The following PGA5 variants were observed in gnomAD, a reference collection of about 807,000 sequenced individuals.
PGA5 encodes pepsinogen A5.
In PGA5, 19 loss-of-function variants were observed where a neutral mutation model predicts 15.9. The ratio of observed to expected loss-of-function variants is 1.19; its 90% CI spans 0.83 to 1.75. The LOEUF (loss-of-function observed/expected upper bound fraction) is 1.75, where lower values mean the gene tolerates loss of function less well. PGA5 is among the 40% of genes most tolerant of loss of function. The pLI is 0.00. For synonymous variants in PGA5, 92 were observed against 95.8 expected, an observed-to-expected ratio of 0.96 and a Z score of 0.23; for missense variants, 224 against 246.4, an observed-to-expected ratio of 0.91 and a Z score of 0.61.
chr11:61,250,666 C>G (rs2134708181), intron 8 of PGA5: 1 of 462,170 alleles, frequency 2.2e-6, no homozygotes, highest in Middle Eastern at 3.3e-4. Flanking sequence ...AGGGCAAGGC[C>G]TGAGCAATGG....
chr11:61,250,479 A>C (rs4939511), intron 8 of PGA5, among the ~76,000 whole-genome samples: 2 of 149,810 alleles, frequency 1.3e-5, no homozygotes, highest in African/African-American at 5.1e-5. Context: ...TGGGGCTTCC[A>C]ACACTTCTAC....
chr11:61,250,449 A>G, intron 8 of PGA5, among the ~76,000 whole-genome samples: 1 of 151,502 alleles, frequency 6.6e-6, no homozygotes, highest in East Asian at 1.9e-4. Flanking sequence ...GGGCAAATGG[A>G]AATCCTAATT....
intron 5 of PGA5, chr11:61,247,993 G>C: frequency 3.4e-6 from 2 of 588,872 alleles, no homozygotes; most frequent in Non-Finnish European, 6.0e-6. Context: ...CATGCCCCTG[G>C]GGGCAAAACT....
chr11:61,250,085 G>C (rs139525829), intron 8 of PGA5, 71 bp downstream of exon 8: 21,888 of 1,526,458 alleles, frequency 0.014, 521 homozygotes, highest in Middle Eastern at 0.03. Context: ...CTTCTGCAGA[G>C]GGAAAGTACA....
At chr11:61,249,142 G>A (rs1854105547) in intron 6 of PGA5, among the ~76,000 whole-genome samples, 1 of 151,856 alleles carries the variant, frequency 6.6e-6, no homozygotes, top group Non-Finnish European at 1.5e-5. Flanking sequence ...AGGACACATG[G>A]ATCACCTCAT....
intron 8 of PGA5, among the ~76,000 whole-genome samples, chr11:61,250,499 C>T (rs1442010830): frequency 6.6e-6 from 1 of 151,270 alleles, no homozygotes; most frequent in Non-Finnish European, 1.5e-5. Flanking sequence ...CCATCTCTAC[C>T]AAGTAGCAAA....
At chr11:61,251,068 T>A in intron 8 of PGA5, 64 bp from the exon 9 acceptor site, 2 of 1,611,458 alleles carry the variant, frequency 1.2e-6, no homozygotes, top group Non-Finnish European at 1.7e-6. Context: ...TGGATGTTTA[T>A]CACCCAGCGC....
rs636230 is a variant in PGA5, at chr11:61,249,699, T to C, written c.804T>C (p.Cys268=). 3,175 of 1,611,812 alleles carry C rather than the reference T, an allele frequency of 2.0e-3. 82 individuals carry two copies. The African/African-American group carries it at 0.029, about 15-fold the overall frequency. ...CCATGAACGGAGAGACCATCGCCTG[T>C]GCTGAGGGCTGCCAGGCCATTGTTG... The part of the protein sequence containing the change: ...SITMNGETIA[C]AEGCQAIVDT... The change falls in exon 7 of 9, where the codon TGT becomes TGC. Residue 268 remains cysteine, a synonymous_variant. Coordinates refer to ENST00000312403, the MANE Select transcript of PGA5 (RefSeq NM_014224.5).
chr11:61,248,609 C>T (rs1322386735), intron 6 of PGA5, 74 bp downstream of exon 6: 1 of 1,581,052 alleles, frequency 6.3e-7, no homozygotes, highest in African/African-American at 1.4e-5. Flanking sequence ...CATAGCCAAT[C>T]AGCTTTCCAG....
At chr11:61,246,415 C>T (rs181833287) in intron 5 of PGA5, among the ~76,000 whole-genome samples, 8 of 151,952 alleles carry the variant, frequency 5.3e-5, no homozygotes, top group African/African-American at 1.9e-4. Flanking sequence ...CCATTTGCCC[C>T]TTAGTGCCAC....
rs1391969415 is a variant in PGA5, at chr11:61,246,004, C to T, written c.515C>T (p.Ser172Phe). 3.2e-5 allele frequency: 11 copies of T among 344,796 alleles called. No homozygotes were observed. Among genetic ancestry groups the T allele is most frequent in the Non-Finnish European group, 5.4e-5 (11 of 203,172 alleles). The allele number at this position is 344,796 out of a possible 1,614,324, so 21.4% of individuals were successfully genotyped here. A position where few individuals can be genotyped will look rare whatever the true frequency, so the allele number is the denominator to read the frequency against. ...IFGLSETEPG[S>F]FLYYAPFDGI... ...GGCCTGAGCGAGACGGAACCTGGCTCCTTCCTGTATTATGCTCCCTTCGAT... is the reference window on the plus strand; with the variant it reads ...GGCCTGAGCGAGACGGAACCTGGCTTCTTCCTGTATTATGCTCCCTTCGAT... The change falls in exon 5 of 9, where the codon TCC (serine) becomes TTC (phenylalanine). Residue 172 changes from serine to phenylalanine, a missense_variant. Transcript: ENST00000312403.
intron 5 of PGA5, chr11:61,248,141 G>C: frequency 1.4e-6 from 1 of 738,456 alleles, no homozygotes; most frequent in Non-Finnish European, 2.4e-6. Flanking sequence ...TATAAGGCCT[G>C]TGTTCTTCCA....
intron 5 of PGA5, among the ~76,000 whole-genome samples, chr11:61,247,045 A>C (rs1034247201): frequency 1.3e-5 from 2 of 152,052 alleles, no homozygotes; most frequent in African/African-American, 4.8e-5. Flanking sequence ...GTGTTATGCA[A>C]GAATACCTGA....
Position 61,249,673 on chromosome 11 carries a change from A to G in PGA5, c.778A>G (p.Thr260Ala). The G allele has an allele frequency of 6.2e-7, 1 of 1,613,518 alleles. No individual in the cohort carries two copies. Among genetic ancestry groups the G allele is most frequent in the African/African-American group, 1.3e-5 (1 of 74,702 alleles). Residue 260 changes from threonine to alanine, a missense_variant, in exon 7 of 9, where the codon ACC becomes GCC. Thr to Ala is a moderately conservative substitution (Grantham distance 58). Coordinates refer to ENST00000312403, the MANE Select transcript of PGA5 (RefSeq NM_014224.5). ...TAACTTGCTTCTTACCCTCAGCATC[A>G]CCATGAACGGAGAGACCATCGCCTG... is the stretch of plus-strand genomic sequence containing the variant. ...GYWQITVDSI[T>A]MNGETIACAE...
intron 5 of PGA5, among the ~76,000 whole-genome samples, chr11:61,247,959 A>G (rs1352508448): frequency 6.6e-6 from 1 of 151,980 alleles, no homozygotes; most frequent in Non-Finnish European, 1.5e-5. Flanking sequence ...CCACCCAATC[A>G]TGACAATCCA....
intron 8 of PGA5, among the ~76,000 whole-genome samples, chr11:61,250,325 C>T (rs918185055): frequency 6.6e-6 from 1 of 151,390 alleles, no homozygotes. Flanking sequence ...CAAGCTACAG[C>T]TCATCTCACC....
rs948997371 is a variant in PGA5 at position 61,248,425 on chromosome 11, C to A, written c.663C>A (p.Asp221Glu). 9.3e-6 allele frequency: 15 copies of A among 1,613,714 alleles called. No homozygotes were observed. The highest frequency in any genetic ancestry group is 1.3e-5 in the African/African-American group (1 of 74,780). Residue 221 changes from aspartate to glutamate, a missense_variant, in exon 6 of 9, where the codon GAC becomes GAA. Transcript: ENST00000312403. ...CTCCCCTCACTTTCCACAGCGATGA[C>A]AAGAGTGGCAGCGTGGTGATCTTTG... ...DLFSVYLSAD[D>E]KSGSVVIFGG...
chr11:61,248,187 G>A (rs1266189297), intron 5 of PGA5: 27 of 940,338 alleles, frequency 2.9e-5, no homozygotes, highest in Non-Finnish European at 4.5e-5. Context: ...GTGTGACCTT[G>A]GGCAGGTGGC....
rs1854134850 is a variant in PGA5, at chr11:61,251,131, G to A, written c.1018-1G>A. The A allele has an allele frequency of 5.0e-6, 8 of 1,611,810 alleles. No homozygotes were observed. The highest frequency in any genetic ancestry group is 6.8e-6 in the Non-Finnish European group (8 of 1,179,860). On this transcript the variant is annotated splice_acceptor_variant, in intron 8 of 8. Coordinates refer to ENST00000312403, the MANE Select transcript of PGA5 (RefSeq NM_014224.5). LOFTEE classifies it high-confidence loss of function. ...TCCACTTTTATTCTCCTTTTCTCCA[G>A]AGCGAGGGGAGCTGCATCAGTGGCT...
Sources: allele counts gnomAD v4.1 joint callset (sites outside exome capture counted in the v4.1 genomes callset), GRCh38; gene constraint gnomAD v4.1.1; transcripts MANE v1.5; gene names NCBI Gene and HGNC (gene_info 2026-07-23, HGNC 2026-07-21).